Variants in DCP2 observed in about 807,000 individuals in gnomAD.
DCP2 encodes m7GpppN-mRNA hydrolase.
Under a neutral mutation model 56.1 loss-of-function variants are expected in DCP2, and 30 were observed. The observed-to-expected ratio is 0.53, with a 90% CI of 0.40 to 0.73. The LOEUF (loss-of-function observed/expected upper bound fraction) is 0.73. DCP2 is among the 30% of genes least tolerant of loss of function. The probability of loss-of-function intolerance (pLI) is 0.00; values close to 1 mark genes in which losing one functional copy is unlikely to be tolerated. For synonymous variants in DCP2, 197 were observed against 163.3 expected, an observed-to-expected ratio of 1.21 and a Z score of -1.57; for missense variants, 533 against 502.7, an observed-to-expected ratio of 1.06 and a Z score of -0.58.
rs1750104849 is a variant in DCP2, at chr5:113,021,153, G to T, written c.*7669G>T. Among the ~76,000 whole-genome samples the T allele has an allele frequency of 6.6e-6, 1 of 152,136 alleles. No individual in the cohort carries two copies. The highest frequency in any genetic ancestry group is 6.5e-5 in the Admixed American group (1 of 15,276). On this transcript the variant is annotated 3_prime_UTR_variant, in exon 11 of 11. Coordinates refer to ENST00000389063, the MANE Select transcript of DCP2 (RefSeq NM_152624.6). ...CCAGCACTTTGGGAGGCTGAGTTGG[G>T]TGGATCACGAGGTCAGGAGTTCGAG...
At chr5:112,991,349 C>T (rs770645166) in intron 2 of DCP2, among the ~76,000 whole-genome samples, 11 of 152,054 alleles carry the variant, frequency 7.2e-5, no homozygotes, top group South Asian at 2.1e-4. Context: ...ATGGGGCATT[C>T]GATAGCATGG....
chr5:112,998,777 A>C (rs1021076997), intron 4 of DCP2, among the ~76,000 whole-genome samples: 4 of 152,232 alleles, frequency 2.6e-5, no homozygotes, highest in African/African-American at 9.7e-5. Context: ...TGAATTATTT[A>C]AGAGTAAATT....
At chr5:113,011,961 T>C (rs187101974) in intron 10 of DCP2, among the ~76,000 whole-genome samples, 1 of 152,366 alleles carries the variant, frequency 6.6e-6, no homozygotes, top group African/African-American at 2.4e-5. Context: ...TTGAAGGGTC[T>C]ATTATTTCTC....
chr5:113,005,151 G>GGTGGGTGTGT (rs1554101206), intron 8 of DCP2, among the ~76,000 whole-genome samples: 1 of 149,420 alleles, frequency 6.7e-6, no homozygotes, highest in African/African-American at 2.5e-5. Context: ...TGTGCGTGTG[G>GGTGGGTGTGT]GTGTGTGTGT....
chr5:113,012,039 C>T (rs1228107797), intron 10 of DCP2, among the ~76,000 whole-genome samples: 1 of 152,018 alleles, frequency 6.6e-6, no homozygotes, highest in Non-Finnish European at 1.5e-5. Flanking sequence ...TTTCTGGCCA[C>T]CTTGGGTGGT....
At chr5:112,998,381 T>C (rs182417823) in intron 4 of DCP2, among the ~76,000 whole-genome samples, 2 of 152,282 alleles carry the variant, frequency 1.3e-5, no homozygotes, top group East Asian at 1.9e-4. Context: ...TAGGCTGCTG[T>C]CCATAACCAA....
chr5:112,992,361 T>A, intron 3 of DCP2, 113 bp downstream of exon 3: 1 of 1,372,846 alleles, frequency 7.3e-7, no homozygotes, highest in Non-Finnish European at 9.7e-7. Context: ...ACTTAGATTT[T>A]TAGTGCTAAA....
At chr5:112,985,650 G>A (rs563703700) in intron 1 of DCP2, among the ~76,000 whole-genome samples, 185 bp from the exon 2 acceptor site, 2 of 152,128 alleles carry the variant, frequency 1.3e-5, no homozygotes, top group African/African-American at 2.4e-5. Flanking sequence ...AGATACATGT[G>A]GTGTCTCCTC....
rs765496079 is a variant in DCP2 at position 112,976,800 on chromosome 5, C to A, written c.-134C>A. 12 of 903,414 alleles carry A rather than the reference C, an allele frequency of 1.3e-5. No individual in the cohort carries two copies. In the Admixed American group the frequency reaches 1.7e-4, roughly 13 times the overall value. 56.0% of individuals were successfully genotyped at this position (903,414 alleles called of 1,614,324 possible). On this transcript the variant is annotated 5_prime_UTR_variant, in exon 1 of 11. Transcript: ENST00000389063. Reference sequence around the variant, plus strand: ...AGCGGGTCCCGCCCCTTCCCCTTCTCGTCTCCGTTGGAGTCGTCTCTGCCG... The same window carrying A: ...AGCGGGTCCCGCCCCTTCCCCTTCTAGTCTCCGTTGGAGTCGTCTCTGCCG...
chr5:112,998,797 A>T (rs1226903607), intron 4 of DCP2, among the ~76,000 whole-genome samples: 2 of 152,244 alleles, frequency 1.3e-5, no homozygotes, highest in Admixed American at 1.3e-4. Context: ...TGCAAACGTA[A>T]TGCCCCTTTG....
chr5:113,007,101 G>A (rs953028564), intron 8 of DCP2, among the ~76,000 whole-genome samples: 2 of 151,774 alleles, frequency 1.3e-5, no homozygotes, highest in East Asian at 3.9e-4. Context: ...ACTGTGCTCC[G>A]GCCTGGGCAA....
At chr5:113,002,858 C>G (rs1334429462) in intron 7 of DCP2, among the ~76,000 whole-genome samples, 2 of 152,144 alleles carry the variant, frequency 1.3e-5, no homozygotes, top group Non-Finnish European at 2.9e-5. Flanking sequence ...AAGTCAGTTA[C>G]AGAGTAGGCT....
chr5:112,998,013 A>G (rs1056761497), intron 4 of DCP2, among the ~76,000 whole-genome samples: 1 of 152,224 alleles, frequency 6.6e-6, no homozygotes, highest in Non-Finnish European at 1.5e-5. Context: ...ACGCTATATT[A>G]TAATACAGCA....
intron 10 of DCP2, among the ~76,000 whole-genome samples, chr5:113,011,963 T>G (rs1360732729): frequency 2.0e-5 from 3 of 152,258 alleles, no homozygotes; most frequent in Non-Finnish European, 4.4e-5. Flanking sequence ...GAAGGGTCTA[T>G]TATTTCTCCT....
At position 113,015,779 on chromosome 5, in the gene DCP2, C is replaced by G. The variant is rs1178539009; in HGVS notation, c.*2295C>G. Reference sequence around the variant, plus strand: ...GGTACATCTACTATACTTATTCTCTCAAACCTGGGTAATAGTTTCTCAGTG... The same window carrying G: ...GGTACATCTACTATACTTATTCTCTGAAACCTGGGTAATAGTTTCTCAGTG... On this transcript the variant is annotated 3_prime_UTR_variant, in exon 11 of 11. Transcript: ENST00000389063. 1 of 152,636 alleles carries G rather than the reference C, an allele frequency of 6.6e-6. No individual in the cohort carries two copies. Among genetic ancestry groups the G allele is most frequent in the Non-Finnish European group, 1.5e-5 (1 of 68,028 alleles). The allele number at this position is 152,636 out of a possible 1,614,324, so 9.5% of individuals were successfully genotyped here. A position where few individuals can be genotyped will look rare whatever the true frequency, so the allele number is the denominator to read the frequency against.
chr5:113,007,821 G>C, intron 8 of DCP2, 117 bp from the exon 9 acceptor site: 8 of 778,130 alleles, frequency 1.0e-5, no homozygotes, highest in Non-Finnish European at 1.2e-5. Context: ...GAAAATTTGG[G>C]TAGGAGAAGC....
At position 112,992,572 on chromosome 5, in the gene DCP2, A is replaced by G. The variant is rs1022355232; in HGVS notation, c.334-100A>G. 4.5e-5 allele frequency: 39 copies of G among 865,530 alleles called. No individual in the cohort carries two copies. In the African/African-American group the frequency reaches 6.7e-4, roughly 15 times the overall value. The allele number at this position is 865,530 out of a possible 1,614,324, so 53.6% of individuals were successfully genotyped here. The stretch of plus-strand genomic sequence containing the variant: ...AAAATACTCTGTAAAATTATTGGCG[A>G]TAACAGTTACCTCAAGTAAGGAGAA... On this transcript the variant is annotated intron_variant, in intron 3 of 10. Transcript: ENST00000389063.
chr5:113,000,397 A>C (rs1209293307), intron 4 of DCP2, among the ~76,000 whole-genome samples: 1 of 75,598 alleles, frequency 1.3e-5, no homozygotes, highest in East Asian at 4.8e-4. Flanking sequence ...TTACTTGTCT[A>C]ATACACACAC....
At chr5:112,997,615 T>C (rs1273595949) in intron 4 of DCP2, among the ~76,000 whole-genome samples, 2 of 145,992 alleles carry the variant, frequency 1.4e-5, no homozygotes, top group Non-Finnish European at 3.1e-5. Flanking sequence ...TTCTTTTTCT[T>C]TTTTTTTTTT....
Sources: allele counts gnomAD v4.1 joint callset (sites outside exome capture counted in the v4.1 genomes callset), GRCh38; gene constraint gnomAD v4.1.1; transcripts MANE v1.5; gene names NCBI Gene and HGNC (gene_info 2026-07-23, HGNC 2026-07-21).